Variants in RIMBP2 observed in about 807,000 individuals in gnomAD.
RIMBP2 encodes RIMS binding protein 2, also known as RIMS-binding protein 2.
A neutral mutation model predicts 118.6 loss-of-function variants in RIMBP2; 48 were observed. That is an observed-to-expected ratio of 0.40 (90% CI 0.32 to 0.51). The LOEUF is 0.51. Among genes scored for constraint, RIMBP2 ranks in the 20% least tolerant of loss-of-function variants. The pLI, the probability that RIMBP2 is intolerant of heterozygous loss-of-function variation, is 0.41. For synonymous variants in RIMBP2, 762 were observed against 742.9 expected (o/e 1.03, Z -0.42); for missense variants, 1,551 against 1,768.3 (o/e 0.88, Z 2.20).
intron 3 of RIMBP2, among the ~76,000 whole-genome samples, chr12:130,508,799 G>T (rs1044376533): frequency 2.0e-5 from 3 of 152,278 alleles, no homozygotes; most frequent in Non-Finnish European, 2.9e-5. Context: ...GGGAGTCAGT[G>T]GTCGAGCAAG....
In RIMBP2 at chr12:130,397,187, GCTC is replaced by G; in HGVS notation, c.*171_*173del. The G allele has an allele frequency of 2.7e-6, 1 of 368,418 alleles. No homozygotes were observed. The highest frequency in any genetic ancestry group is 3.9e-5 in the East Asian group (1 of 25,894). 22.8% of individuals were successfully genotyped at this position (368,418 alleles called of 1,614,324 possible). A position where few individuals can be genotyped will look rare whatever the true frequency, so the allele number is the denominator to read the frequency against. On this transcript the variant is annotated 3_prime_UTR_variant, in exon 23 of 23. Transcript: ENST00000690449. ...CTGCCAGCGGTGACAGAGAGCAACC[GCTC>G]CTCTTTGTTCTCGTGGTTGGTTTAA...
chr12:130,618,599 G>A (rs764127620), intron 2 of RIMBP2, among the ~76,000 whole-genome samples: 9 of 152,160 alleles, frequency 5.9e-5, no homozygotes, highest in Non-Finnish European at 2.9e-5. Context: ...GCTCCCAGGA[G>A]TTCTGCGGCT....
intron 4 of RIMBP2, among the ~76,000 whole-genome samples, chr12:130,495,750 C>T (rs1428879329): frequency 2.0e-5 from 3 of 152,176 alleles, no homozygotes; most frequent in Non-Finnish European, 4.4e-5. Flanking sequence ...CTAACCTCTC[C>T]AGCACCAGCC....
rs545711383 is a variant in RIMBP2, at chr12:130,523,396, C to T, written c.-216-5479G>A. On this transcript the variant is annotated intron_variant, in intron 2 of 22. Transcript: ENST00000690449. This position sits in a 1 kb window ranked among gnomAD's most constrained non-coding sequence, Gnocchi z 4.4. ...GGAGAGCTCTGTCATTTAAGCTGCC[C>T]GGTCTGTGGGATCCTGCTATGGCAG... Among the ~76,000 whole-genome samples, 47 of 152,292 alleles carry T rather than the reference C, an allele frequency of 3.1e-4. No individual in the cohort carries two copies. Among genetic ancestry groups the T allele is most frequent in the Admixed American group, 4.6e-4 (7 of 15,302 alleles).
chr12:130,504,649 C>T (rs550324119), intron 4 of RIMBP2, among the ~76,000 whole-genome samples: 60 of 152,172 alleles, frequency 3.9e-4, no homozygotes, highest in African/African-American at 1.3e-3. Flanking sequence ...AGACTTCTGA[C>T]CCCCAGAACT....
rs147245171 is a variant in RIMBP2 at position 130,437,096 on chromosome 12, G to A, written c.1852C>T (p.Pro618Ser). Residue 618 changes from proline (P) to serine (S), a missense_variant, in exon 13 of 23, where the codon CCA becomes TCA. By Grantham distance (74) the Pro-to-Ser change is moderately conservative (BLOSUM62 -1). This residue lies in a region of RIMBP2 where 1,038 missense variants were observed against 1,125.1 expected (regional missense o/e 0.92). Transcript: ENST00000690449. The part of the protein sequence containing the change: ...PHPRPAPQSK[P>S]LASSGVPETK... ...TCGGGGACTCCAGAACTTGCTAATGGCTTTGATTGGGGTGCAGGTCTCGGG... is the reference window on the plus strand; with the variant it reads ...TCGGGGACTCCAGAACTTGCTAATGACTTTGATTGGGGTGCAGGTCTCGGG... 3.7e-5 allele frequency: 59 copies of A among 1,578,322 alleles called. No individual in the cohort carries two copies. The African/African-American group carries it at 7.8e-4, about 21-fold the overall frequency.
chr12:130,580,336 C>T (rs2058383678), intron 2 of RIMBP2, among the ~76,000 whole-genome samples: 1 of 152,182 alleles, frequency 6.6e-6, no homozygotes, highest in South Asian at 2.1e-4. Context: ...TGGTTTCCCC[C>T]ATGCTGTTCT....
At chr12:130,530,615 C>T (rs754791037) in intron 2 of RIMBP2, among the ~76,000 whole-genome samples, 2 of 152,172 alleles carry the variant, frequency 1.3e-5, no homozygotes, top group Middle Eastern at 3.2e-3. Context: ...GAGGGAAAAC[C>T]TATCAATTAT....
chr12:130,455,758 C>G (rs1411285199), intron 7 of RIMBP2, among the ~76,000 whole-genome samples: 1 of 152,048 alleles, frequency 6.6e-6, no homozygotes, highest in African/African-American at 2.4e-5. Context: ...CTCATCTCCC[C>G]TAATTTTTTT....
rs552993359 is a variant in RIMBP2, at chr12:130,611,094, T to C, written c.-217+17228A>G. Reference sequence around the variant, plus strand: ...TCAAAAAGGCCAGGAGAAGAGAGCATTGTGCCTCTAGCCAGGCCGCCCAAA... The same window carrying C: ...TCAAAAAGGCCAGGAGAAGAGAGCACTGTGCCTCTAGCCAGGCCGCCCAAA... On this transcript the variant is annotated intron_variant, in intron 2 of 22. Coordinates refer to ENST00000690449, the MANE Select transcript of RIMBP2 (RefSeq NM_001393629.1). Among the ~76,000 whole-genome samples, 10 of 152,310 alleles carry C rather than the reference T, an allele frequency of 6.6e-5. No homozygotes were observed. In the South Asian group the frequency reaches 1.7e-3, roughly 25 times the overall value.
chr12:130,600,955 T>G (rs2059839949), intron 2 of RIMBP2, among the ~76,000 whole-genome samples: 11 of 152,152 alleles, frequency 7.2e-5, no homozygotes, highest in Admixed American at 7.2e-4. Context: ...ATTGGTTCTC[T>G]TAACCTCCCC....
At chr12:130,701,550 G>T (rs138755556) in intron 1 of RIMBP2, among the ~76,000 whole-genome samples, 1 of 152,090 alleles carries the variant, frequency 6.6e-6, no homozygotes, top group South Asian at 2.1e-4. Flanking sequence ...TCAGGCCCGC[G>T]TCTGAACATG....
intron 4 of RIMBP2, among the ~76,000 whole-genome samples, chr12:130,487,907 G>A (rs2138353215): frequency 6.6e-6 from 1 of 152,220 alleles, no homozygotes. Flanking sequence ...ATCCCTCACA[G>A]CCTCCCACAT....
intron 4 of RIMBP2, among the ~76,000 whole-genome samples, chr12:130,503,785 C>T (rs2050036639): frequency 2.0e-5 from 3 of 152,180 alleles, no homozygotes; most frequent in Non-Finnish European, 2.9e-5. Context: ...AAACTCGGAG[C>T]CAAATGAGAA....
At chr12:130,512,149 C>T (rs1011244828) in intron 3 of RIMBP2, among the ~76,000 whole-genome samples, 2 of 152,182 alleles carry the variant, frequency 1.3e-5, no homozygotes, top group African/African-American at 4.8e-5. Flanking sequence ...GGGCCGGTAG[C>T]CCAGAAGACA....
Position 130,442,728 on chromosome 12 carries a change from TC to T in RIMBP2, c.692-69del. ...AGGGGCCTCGAGGCCCCCAGTGTACTCCCACCTCCCCCACCAGGACCATAAG... is the reference window on the plus strand; with the variant it reads ...AGGGGCCTCGAGGCCCCCAGTGTACTCCACCTCCCCCACCAGGACCATAAG... On this transcript the variant is annotated intron_variant, in intron 10 of 22. Coordinates refer to ENST00000690449, the MANE Select transcript of RIMBP2 (RefSeq NM_001393629.1). This position sits in a 1 kb window ranked among gnomAD's most constrained non-coding sequence, Gnocchi z 6.9. The T allele has an allele frequency of 7.6e-7, 1 of 1,315,190 alleles. No homozygotes were observed. The highest frequency in any genetic ancestry group is 2.4e-5 in the East Asian group (1 of 41,560). The allele number at this position is 1,315,190 out of a possible 1,614,324, so 81.5% of individuals were successfully genotyped here.
intron 11 of RIMBP2, among the ~76,000 whole-genome samples, chr12:130,441,204 G>A (rs957648383): frequency 1.3e-5 from 2 of 151,840 alleles, no homozygotes; most frequent in Non-Finnish European, 2.9e-5. Context: ...AGTTTGAGAC[G>A]AGCCTGACCA....
At chr12:130,587,936 C>T (rs1308890558) in intron 2 of RIMBP2, among the ~76,000 whole-genome samples, 2 of 152,054 alleles carry the variant, frequency 1.3e-5, no homozygotes, top group African/African-American at 2.4e-5. Context: ...TCTGCACCTG[C>T]CAGCACATAT....
At chr12:130,590,479 C>A (rs1290925802) in intron 2 of RIMBP2, among the ~76,000 whole-genome samples, 1 of 152,190 alleles carries the variant, frequency 6.6e-6, no homozygotes, top group African/African-American at 2.4e-5. Flanking sequence ...AGCAACATTC[C>A]ATGAAGTCTT....
Sources: gnomAD v4.1 joint callset for allele counts (sites outside exome capture counted in the v4.1 genomes callset) on GRCh38, gnomAD v4.1.1 for gene constraint, gnomAD v4.1.1 regional missense constraint, Gnocchi (gnomAD v3.1) non-coding constraint, MANE v1.5 for transcripts, NCBI Gene and HGNC (gene_info 2026-07-23, HGNC 2026-07-21) for gene names.